The following PARP15 variants were observed in gnomAD, a reference collection of about 807,000 sequenced individuals.
PARP15 encodes protein mono-ADP-ribosyltransferase PARP15.
In PARP15, 50 loss-of-function variants were observed where a neutral mutation model predicts 62.1. That is an observed-to-expected ratio of 0.81 (90% confidence interval 0.64 to 1.02). PARP15 has a LOEUF of 1.02. PARP15 is among the 50% of genes least tolerant of loss of function. The pLI is 0.00. For synonymous variants in PARP15, 309 were observed against 293.1 expected (o/e 1.05, Z -0.55); for missense variants, 820 against 826.5 (o/e 0.99, Z 0.10).
At chr3:122,594,873 A>G in intron 1 of PARP15, 1 of 979,746 alleles carries the variant, frequency 1.0e-6, no homozygotes, top group African/African-American at 1.7e-5. Context: ...TGGTGAATGT[A>G]ATTACATAAC....
intron 4 of PARP15, among the ~76,000 whole-genome samples, chr3:122,613,514 A>G (rs565618355): frequency 3.1e-4 from 47 of 152,262 alleles, no homozygotes; most frequent in Non-Finnish European, 5.7e-4. Context: ...AGTTATTGGC[A>G]TAAAAATGGC....
At chr3:122,591,012 C>A (rs1416567893) in intron 1 of PARP15, among the ~76,000 whole-genome samples, 1 of 152,128 alleles carries the variant, frequency 6.6e-6, no homozygotes, top group African/African-American at 2.4e-5. Context: ...TCTGACTTTA[C>A]AAAATATAAT....
At chr3:122,619,941 C>G (rs1297586256) in intron 7 of PARP15, 98 bp downstream of exon 7, 4 of 1,154,594 alleles carry the variant, frequency 3.5e-6, no homozygotes, top group African/African-American at 3.0e-5. Context: ...GAGTAAGTAG[C>G]GAGCAAAACT....
At position 122,630,487 on chromosome 3, in the gene PARP15, C is replaced by T. The variant is rs912984211; in HGVS notation, c.1439-1599C>T. Among the ~76,000 whole-genome samples, 3 of 152,216 alleles carry T rather than the reference C, an allele frequency of 2.0e-5. No individual in the cohort carries two copies. In the East Asian group the frequency reaches 5.8e-4, roughly 29 times the overall value. ...ATTGCTTCAGCCCAGGAGTTTGAGA[C>T]CAGCCTGGGCAACATGGCAGAACCT... is the stretch of plus-strand genomic sequence containing the variant. On this transcript the variant is annotated intron_variant, in intron 9 of 11. Transcript: ENST00000464300.
At chr3:122,617,294 C>T (rs921404719) in intron 6 of PARP15, 130 bp downstream of exon 6, 252 of 983,580 alleles carry the variant, frequency 2.6e-4, no homozygotes, top group Admixed American at 3.5e-4. Flanking sequence ...CTCAGGAAGA[C>T]GTGGGTTGAA....
Position 122,613,166 on chromosome 3 carries a change from C to A in PARP15, c.669C>A (p.Ile223=). 4 of 1,551,700 alleles carry A rather than the reference C, an allele frequency of 2.6e-6. 1 individual carries two copies. The South Asian group carries it at 4.8e-5, about 18-fold the overall frequency. Residue 223 remains isoleucine (I), a synonymous_variant, in exon 4 of 12, where the codon ATC becomes ATA. Transcript: ENST00000464300. Reference sequence around the variant, plus strand: ...CCAAAGCTGTTTTTGCTAAACTAATCCTTTCAGAAGTGTTCGAATACAGTA... The same window carrying A: ...CCAAAGCTGTTTTTGCTAAACTAATACTTTCAGAAGTGTTCGAATACAGTA... ...QFPKAVFAKL[I]LSEVFEYSSS...
At position 122,610,487 on chromosome 3, in the gene PARP15, C is replaced by T. The variant is rs765016652; in HGVS notation, c.307-7C>T. On this transcript the variant is annotated splice_polypyrimidine_tract_variant and splice_region_variant and intron_variant, in intron 2 of 11. Coordinates refer to ENST00000464300, the MANE Select transcript of PARP15 (RefSeq NM_001113523.3). ...TTCAATCTCTAACTGTTGCTATTTT[C>T]GTTAAGGCCGATGTCATTGTCAACA... The T allele has an allele frequency of 7.5e-5, 116 of 1,545,644 alleles. No individual in the cohort carries two copies. Among genetic ancestry groups the T allele is most frequent in the Middle Eastern group, 1.7e-4 (1 of 5,982 alleles).
chr3:122,624,388 A>G (rs1012524901), intron 8 of PARP15, among the ~76,000 whole-genome samples: 2 of 152,160 alleles, frequency 1.3e-5, no homozygotes, highest in East Asian at 1.9e-4. Context: ...TTTGACCAGG[A>G]CTTTCCTGGT....
chr3:122,635,804 T>C lies in PARP15; in HGVS notation c.1748-7T>C. The stretch of plus-strand genomic sequence containing the variant: ...TCTTAGGAAGGTTTTTGTCTTTCTC[T>C]TTCCAGCTGTATCCTATGGAAAAGG... On this transcript the variant is annotated splice_polypyrimidine_tract_variant and splice_region_variant and intron_variant, in intron 11 of 11. Coordinates refer to ENST00000464300, the MANE Select transcript of PARP15 (RefSeq NM_001113523.3). 6.2e-7 allele frequency: 1 copy of C among 1,605,900 alleles called. No individual in the cohort carries two copies. The highest frequency in any genetic ancestry group is 8.5e-7 in the Non-Finnish European group (1 of 1,175,480).
chr3:122,602,411 T>C lies in PARP15; in HGVS notation c.187-3525T>C, dbSNP rs1358809473. On this transcript the variant is annotated intron_variant, in intron 1 of 11. Transcript: ENST00000464300. ...ATACACTCTAGAGCTCCCTGGGAGA[T>C]CAGGCAGATACCAGGGTACACCGAA... is the stretch of plus-strand genomic sequence containing the variant. Among the ~76,000 whole-genome samples the C allele has an allele frequency of 2.6e-5, 4 of 152,090 alleles. No homozygotes were observed. The South Asian group carries it at 8.3e-4, about 31-fold the overall frequency.
Position 122,610,739 on chromosome 3 carries a change from C to T in PARP15, c.543+9C>T, listed in dbSNP as rs200829416. 6.9e-5 allele frequency: 104 copies of T among 1,498,072 alleles called. 2 individuals carry two copies. In the South Asian group the frequency reaches 8.6e-4, roughly 12 times the overall value. 92.8% of individuals were successfully genotyped at this position (1,498,072 alleles called of 1,614,324 possible). On this transcript the variant is annotated intron_variant, in intron 3 of 11. Transcript: ENST00000464300. ...CAGAGACTTCTTGGCAGGTAGGGAA[C>T]GCTCTTAGTTCTCCAACGTATTGGG...
At chr3:122,590,435 A>G (rs60541901) in intron 1 of PARP15, among the ~76,000 whole-genome samples, 75,927 of 150,806 alleles carry the variant, frequency 0.5, 19,139 homozygotes, top group Middle Eastern at 0.55. Context: ...ACCACGCCCA[A>G]CTAATTTTTT....
At chr3:122,585,739 G>C (rs996258976) in intron 1 of PARP15, among the ~76,000 whole-genome samples, 3 of 152,172 alleles carry the variant, frequency 2.0e-5, no homozygotes, top group Admixed American at 6.5e-5. Context: ...TCTGATAGAA[G>C]ACTGTTTTGA....
intron 1 of PARP15, among the ~76,000 whole-genome samples, chr3:122,592,405 C>T (rs1489118784): frequency 2.0e-5 from 3 of 151,942 alleles, no homozygotes; most frequent in African/African-American, 4.8e-5. Context: ...CACATGAATA[C>T]AGGGAAGGGA....
Position 122,626,921 on chromosome 3 carries a change from AG to A in PARP15, c.1327del (p.Val443LeufsTer11), listed in dbSNP as rs764955323. On this transcript the variant is annotated frameshift_variant, in exon 9 of 12. Transcript: ENST00000464300. LOFTEE classifies it high-confidence loss of function. ...AACATTCCACCCCATCATTAAAAACAGTTAAAGTTGTCATTTTTCAACCTGA... is the reference window on the plus strand; with the variant it reads ...AACATTCCACCCCATCATTAAAAACATTAAAGTTGTCATTTTTCAACCTGA... ...SQHSTPSLKT[V>X]KVVIFQPELL... is the part of the protein sequence containing the mutation. 6.8e-6 allele frequency: 11 copies of A among 1,614,056 alleles called. No individual in the cohort carries two copies. The South Asian group carries it at 1.1e-4, about 16-fold the overall frequency.
rs183933516 is a variant in PARP15, at chr3:122,590,020, G to C, written c.186+12167G>C. 2.6e-5 allele frequency among the ~76,000 whole-genome samples: 4 copies of C among 150,962 alleles called. No individual in the cohort carries two copies. The East Asian group carries it at 5.8e-4, about 22-fold the overall frequency. ...TCTGCCTCACCCTCTCAAGTAGCTG[G>C]GACTACAGGTGCCCTTCACCACGCC... is the stretch of plus-strand genomic sequence containing the variant. On this transcript the variant is annotated intron_variant, in intron 1 of 11. Coordinates refer to ENST00000464300, the MANE Select transcript of PARP15 (RefSeq NM_001113523.3).
rs1488367097 is a variant in PARP15, at chr3:122,577,664, G to A, written c.-4G>A. ...GGCGCAACTGCAGTCCCAGCGAGCTGAGGATGGCTGCGCCAGGCCCCCTTC... is the reference window on the plus strand; with the variant it reads ...GGCGCAACTGCAGTCCCAGCGAGCTAAGGATGGCTGCGCCAGGCCCCCTTC... On this transcript the variant is annotated 5_prime_UTR_variant, in exon 1 of 12. Coordinates refer to ENST00000464300, the MANE Select transcript of PARP15 (RefSeq NM_001113523.3). 1.9e-6 allele frequency: 3 copies of A among 1,551,612 alleles called. No homozygotes were observed. Among genetic ancestry groups the A allele is most frequent in the Non-Finnish European group, 2.6e-6 (3 of 1,146,954 alleles).
At chr3:122,618,020 C>T (rs1447440022) in intron 6 of PARP15, among the ~76,000 whole-genome samples, 2 of 152,186 alleles carry the variant, frequency 1.3e-5, no homozygotes, top group East Asian at 3.8e-4. Context: ...GTGTGAGCCA[C>T]CATGCCCAGC....
intron 1 of PARP15, among the ~76,000 whole-genome samples, chr3:122,598,220 C>T (rs984282119): frequency 3.9e-5 from 6 of 152,236 alleles, no homozygotes; most frequent in African/African-American, 1.4e-4. Flanking sequence ...TATAAGCATA[C>T]AATTTATATT....
Sources: allele counts gnomAD v4.1 joint callset (sites outside exome capture counted in the v4.1 genomes callset), GRCh38; gene constraint gnomAD v4.1.1; transcripts MANE v1.5; gene names NCBI Gene and HGNC (gene_info 2026-07-23, HGNC 2026-07-21).